The following NOTCH2 variants were observed in gnomAD, a reference collection of about 807,000 sequenced individuals.
NOTCH2 encodes the protein notch receptor 2.
Under a neutral mutation model 235.8 loss-of-function variants are expected in NOTCH2, and 29 were observed. The observed-to-expected ratio is 0.12, with a 90% CI of 0.09 to 0.17. The LOEUF is 0.17. Among genes scored for constraint, NOTCH2 ranks in the 10% least tolerant of loss-of-function variants. NOTCH2 has a pLI of 1.00. For synonymous variants in NOTCH2, 1,086 were observed against 1,141.5 expected, an observed-to-expected ratio of 0.95 and a Z score of 0.98; for missense variants, 2,285 against 3,150.2, an observed-to-expected ratio of 0.73 and a Z score of 6.57.
In NOTCH2 at chr1:119,949,045, A is replaced by AAG; in HGVS notation, c.2560_2561insCT (p.Phe854SerfsTer31). Reference sequence around the variant, plus strand: ...AGCACACAAGCAAGTATAACTCTCAAAATTTGGTGACTCTTTGCAAACAGC... The same window carrying AAG: ...AGCACACAAGCAAGTATAACTCTCAAAGAATTTGGTGACTCTTTGCAAACAGC... On this transcript the variant is annotated frameshift_variant, in exon 16 of 34. Coordinates refer to ENST00000256646, the MANE Select transcript of NOTCH2 (RefSeq NM_024408.4). LOFTEE classifies it high-confidence loss of function. 6.2e-7 allele frequency: 1 copy of AAG among 1,614,174 alleles called. No homozygotes were observed. The highest frequency in any genetic ancestry group is 8.5e-7 in the Non-Finnish European group (1 of 1,180,026).
At chr1:119,939,740 G>A (rs1649998184) in intron 19 of NOTCH2, among the ~76,000 whole-genome samples, 1 of 152,214 alleles carries the variant, frequency 6.6e-6, no homozygotes, top group Admixed American at 6.5e-5. Context: ...TCTACACTGT[G>A]AGAACAAATA....
At chr1:119,979,701 A>C (rs1293496413) in intron 5 of NOTCH2, among the ~76,000 whole-genome samples, 4 of 152,210 alleles carry the variant, frequency 2.6e-5, no homozygotes, top group South Asian at 2.1e-4. Context: ...AAAATATTAT[A>C]AATTGGGTTA....
chr1:119,920,116 A>G, intron 30 of NOTCH2, 113 bp downstream of exon 30: 1 of 1,136,562 alleles, frequency 8.8e-7, no homozygotes, highest in Non-Finnish European at 1.3e-6. Context: ...GCTGATTTAG[A>G]GTCTGTGAAA....
In NOTCH2 at chr1:120,010,767, C is replaced by T. The variant is rs1292896251; in HGVS notation, c.156-5179G>A. ...TCTTTCTTAATTCTTCAAATTCTGC[C>T]TCCCTTCCTAGGTATATACCCGAGA... On this transcript the variant is annotated intron_variant, in intron 2 of 33. Coordinates refer to ENST00000256646, the MANE Select transcript of NOTCH2 (RefSeq NM_024408.4). Among the ~76,000 whole-genome samples, 44 of 152,192 alleles carry T rather than the reference C, an allele frequency of 2.9e-4. 2 individuals are homozygous for T. Among genetic ancestry groups the T allele is most frequent in the Admixed American group, 9.2e-4 (14 of 15,288 alleles).
intron 5 of NOTCH2, among the ~76,000 whole-genome samples, chr1:119,982,247 A>C (rs1371778208): frequency 1.3e-5 from 2 of 152,330 alleles, no homozygotes; most frequent in African/African-American, 4.8e-5. Flanking sequence ...TCTTTGACTC[A>C]TATCCACCTA....
At chr1:119,963,965 A>C (rs1651040323) in intron 10 of NOTCH2, among the ~76,000 whole-genome samples, 158 bp from the exon 11 acceptor site, 1 of 152,228 alleles carries the variant, frequency 6.6e-6, no homozygotes, top group African/African-American at 2.4e-5. Context: ...GCATTGATTT[A>C]GAAAGTATGC....
intron 11 of NOTCH2, among the ~76,000 whole-genome samples, chr1:119,960,264 A>G (rs1553198860): frequency 6.6e-6 from 1 of 152,072 alleles, no homozygotes; most frequent in African/African-American, 2.4e-5. Flanking sequence ...TGGAATTTGT[A>G]TCTATCACTG....
Position 119,937,798 on chromosome 1 carries a change from A to G in NOTCH2, c.3337+59T>C. The G allele has an allele frequency of 3.8e-6, 6 of 1,595,558 alleles. No individual in the cohort carries two copies. The Admixed American group carries it at 1.0e-4, about 27-fold the overall frequency. ...CACAAAAAAATGATACCTTCTCTAA[A>G]TGCCACTGGACAGTCAATACTGCAG... On this transcript the variant is annotated intron_variant, in intron 20 of 33. Transcript: ENST00000256646.
chr1:119,944,051 G>GA (rs1242811674), intron 17 of NOTCH2, among the ~76,000 whole-genome samples: 1 of 151,622 alleles, frequency 6.6e-6, no homozygotes, highest in African/African-American at 2.4e-5. Context: ...ACACTAAGTG[G>GA]AAAAAACACT....
In NOTCH2 at chr1:119,925,696, A is replaced by G. The variant is rs755091995; in HGVS notation, c.4120T>C (p.Cys1374Arg). Reference protein sequence around the residue: ...PRCFCPSPRDCESGCASSPCQ... With the variant: ...PRCFCPSPRDRESGCASSPCQ... ...GGGCTACTGGCACAGCCTGACTCGCAGTCCCGGGGACTGGGGCAGAAGCAG... is the reference window on the plus strand; with the variant it reads ...GGGCTACTGGCACAGCCTGACTCGCGGTCCCGGGGACTGGGGCAGAAGCAG... Residue 1374 changes from cysteine (C) to arginine (R), a missense_variant, in exon 25 of 34, where the codon TGC (cysteine) becomes CGC (arginine). Coordinates refer to ENST00000256646, the MANE Select transcript of NOTCH2 (RefSeq NM_024408.4). 1 of 1,612,366 alleles carries G rather than the reference A, an allele frequency of 6.2e-7. No individual in the cohort carries two copies. The highest frequency in any genetic ancestry group is 1.1e-5 in the South Asian group (1 of 91,068).
intron 2 of NOTCH2, among the ~76,000 whole-genome samples, chr1:120,006,197 A>C (rs2101245278): frequency 6.6e-6 from 1 of 152,232 alleles, no homozygotes; most frequent in Admixed American, 6.5e-5. Flanking sequence ...ACAACGGAAA[A>C]AGGGAAAGGA....
In NOTCH2 at chr1:119,925,587, C is replaced by A; in HGVS notation, c.4229G>T (p.Arg1410Leu). The A allele has an allele frequency of 1.9e-6, 3 of 1,614,032 alleles. No homozygotes were observed. The highest frequency in any genetic ancestry group is 2.2e-5 in the East Asian group (1 of 44,862). The change falls in exon 25 of 34, where the codon CGC becomes CTC. Residue 1410 changes from arginine to leucine, a missense_variant. Coordinates refer to ENST00000256646, the MANE Select transcript of NOTCH2 (RefSeq NM_024408.4). ...GGGGGGTGCCGTGTAGAGTTCACAG[C>A]GGCTACCCGAGAATGGTGGGGCACA... The part of the protein sequence containing the change: ...CQCAPPFSGS[R>L]CELYTAPPST...
chr1:119,966,372 T>C lies in NOTCH2; in HGVS notation c.1567+4A>G. 6.2e-7 allele frequency: 1 copy of C among 1,607,598 alleles called. No homozygotes were observed. Among genetic ancestry groups the C allele is most frequent in the Non-Finnish European group, 8.5e-7 (1 of 1,174,070 alleles). On this transcript the variant is annotated splice_donor_region_variant and intron_variant, in intron 9 of 33. Transcript: ENST00000256646. Reference sequence around the variant, plus strand: ...GAAAACAGGGCCAGGTCGTGGGCACTTACCAGGAGGACACAGGCACTGGAA... The same window carrying C: ...GAAAACAGGGCCAGGTCGTGGGCACCTACCAGGAGGACACAGGCACTGGAA...
intron 18 of NOTCH2, among the ~76,000 whole-genome samples, chr1:119,941,216 A>G (rs1553196413): frequency 6.6e-6 from 1 of 152,238 alleles, no homozygotes; most frequent in Non-Finnish European, 1.5e-5. Flanking sequence ...CTCTGCAGAA[A>G]AACTGGAATT....
At position 119,941,576 on chromosome 1, in the gene NOTCH2, T is replaced by C; in HGVS notation, c.2931A>G (p.Ala977=). 1 of 1,614,218 alleles carries C rather than the reference T, an allele frequency of 6.2e-7. No homozygotes were observed. The highest frequency in any genetic ancestry group is 8.5e-7 in the Non-Finnish European group (1 of 1,180,054). The change falls in exon 18 of 34, where the codon GCA becomes GCG. Residue 977 remains alanine, a synonymous_variant. Transcript: ENST00000256646. ...YVNSYTCKCQ[A]GFDGVHCENN... ...TCTCACAATGGACTCCATCAAATCC[T>C]GCCTGGCACTTGCAAGTGTAACTGT...
intron 5 of NOTCH2, among the ~76,000 whole-genome samples, chr1:119,973,933 G>T (rs1332387548): frequency 6.6e-6 from 1 of 152,154 alleles, no homozygotes; most frequent in Non-Finnish European, 1.5e-5. Context: ...TTGAGGCTTT[G>T]ACTTCGAGTA....
At chr1:119,947,155 T>C (rs1650288648) in intron 17 of NOTCH2, among the ~76,000 whole-genome samples, 1 of 152,126 alleles carries the variant, frequency 6.6e-6, no homozygotes, top group Non-Finnish European at 1.5e-5. Flanking sequence ...ACATGAAGCA[T>C]GAACTATAAA....
In NOTCH2 at chr1:119,940,708, A is replaced by C. The variant is rs782236035; in HGVS notation, c.3030T>G (p.Ser1010=). 1 of 1,614,088 alleles carries C rather than the reference A, an allele frequency of 6.2e-7. No individual in the cohort carries two copies. The highest frequency in any genetic ancestry group is 8.5e-7 in the Non-Finnish European group (1 of 1,180,042). The stretch of plus-strand genomic sequence containing the variant: ...CAGTGAAACCCACAGGGCACAAGCA[A>C]GAGAAGGAGTTAATCCCATCAACAC... ...GTCVDGINSF[S]CLCPVGFTGS... The change falls in exon 19 of 34, where the codon TCT becomes TCG. Residue 1010 remains serine, a synonymous_variant. Coordinates refer to ENST00000256646, the MANE Select transcript of NOTCH2 (RefSeq NM_024408.4).
chr1:120,030,142 C>A (rs1209055877), intron 1 of NOTCH2, among the ~76,000 whole-genome samples, 155 bp from the exon 2 acceptor site: 2 of 151,962 alleles, frequency 1.3e-5, no homozygotes, highest in Non-Finnish European at 2.9e-5. Flanking sequence ...TGGCTTCTAG[C>A]ACAGAAGCCC....
Sources: allele counts gnomAD v4.1 joint callset (sites outside exome capture counted in the v4.1 genomes callset), GRCh38; gene constraint gnomAD v4.1.1; transcripts MANE v1.5; gene names NCBI Gene and HGNC (gene_info 2026-07-23, HGNC 2026-07-21).